Variants in CCDC7 observed in about 807,000 individuals in gnomAD.
CCDC7 encodes the protein coiled-coil domain containing 7.
In CCDC7, 183 loss-of-function variants were observed where a neutral mutation model predicts 196.9. That is an observed-to-expected ratio of 0.93 (90% confidence interval 0.82 to 1.05). The LOEUF is 1.05. Ranked by LOEUF, CCDC7 falls within the 50% of genes least tolerant of loss-of-function variation. The probability of loss-of-function intolerance (pLI) is 0.00; values close to 1 mark genes in which losing one functional copy is unlikely to be tolerated. For missense variants in CCDC7, 1,540 were observed against 1,482.2 expected, an observed-to-expected ratio of 1.04 and a Z score of -0.64; for synonymous variants, 525 against 484.6, an observed-to-expected ratio of 1.08 and a Z score of -1.10.
chr10:32,462,770 G>T lies in CCDC7; in HGVS notation c.477+67G>T, dbSNP rs2036000353. 5.8e-6 allele frequency: 8 copies of T among 1,386,520 alleles called. No homozygotes were observed. The South Asian group carries it at 1.1e-4, about 20-fold the overall frequency. 85.9% of individuals were successfully genotyped at this position (1,386,520 alleles called of 1,614,324 possible). On this transcript the variant is annotated intron_variant, in intron 4 of 41. Coordinates refer to ENST00000639629, the Ensembl canonical transcript of CCDC7. ...CACAGAAATACATGCCAATGAAGAA[G>T]AGGTTTCTAAATTTTAAGGGAGTAG...
intron 5 of CCDC7, among the ~76,000 whole-genome samples, chr10:32,466,869 A>C (rs994558630): frequency 6.6e-6 from 1 of 152,186 alleles, no homozygotes; most frequent in African/African-American, 2.4e-5. Context: ...ACAGCAGGCA[A>C]CTAATTTATA....
chr10:32,612,541 T>A (rs1345633464), intron 18 of CCDC7, among the ~76,000 whole-genome samples: 1 of 152,226 alleles, frequency 6.6e-6, no homozygotes, highest in African/African-American at 2.4e-5. Context: ...TTCAGTATGA[T>A]ATGGGCTGTG....
At chr10:32,473,611 T>G (rs994688756) in intron 7 of CCDC7, among the ~76,000 whole-genome samples, 1 of 152,064 alleles carries the variant, frequency 6.6e-6, no homozygotes, top group Admixed American at 6.6e-5. Context: ...ATTCAGAGAC[T>G]AGTGAAAAGA....
chr10:32,876,911 A>C (rs1179795205), downstream of CCDC7: 1 of 152,120 alleles, frequency 6.6e-6, no homozygotes, highest in Admixed American at 6.6e-5. Context: ...AAGAGCATAA[A>C]TATTATTGGC....
chr10:32,685,180 A>G (rs1591575848), intron 21 of CCDC7, among the ~76,000 whole-genome samples: 1 of 141,852 alleles, frequency 7.0e-6, no homozygotes, highest in East Asian at 2.1e-4. Flanking sequence ...TCCTTACCTA[A>G]CGGTGGCATA....
At chr10:32,655,056 T>C (rs2069532683) in intron 20 of CCDC7, among the ~76,000 whole-genome samples, 1 of 152,202 alleles carries the variant, frequency 6.6e-6, no homozygotes, top group Non-Finnish European at 1.5e-5. Flanking sequence ...ATATATACCT[T>C]GACAGTGCAT....
intron 20 of CCDC7, among the ~76,000 whole-genome samples, chr10:32,649,719 GT>G (rs1222180714): frequency 2.0e-5 from 3 of 152,082 alleles, no homozygotes; most frequent in African/African-American, 7.2e-5. Flanking sequence ...TTTCTTAATT[GT>G]TTTCTTTATT....
chr10:32,663,264 ATACT>A (rs1265113497), intron 20 of CCDC7, among the ~76,000 whole-genome samples: 3 of 152,162 alleles, frequency 2.0e-5, no homozygotes, highest in Non-Finnish European at 4.4e-5. Flanking sequence ...AGGACTCTAC[ATACT>A]TTTTCATCAC....
intron 41 of CCDC7, among the ~76,000 whole-genome samples, chr10:32,862,034 A>C (rs1215279122): frequency 6.6e-6 from 1 of 152,218 alleles, no homozygotes; most frequent in Non-Finnish European, 1.5e-5. Context: ...TAGAACTATA[A>C]ATACCATTTG....
intron 29 of CCDC7, among the ~76,000 whole-genome samples, chr10:32,787,255 G>A (rs2082021212): frequency 6.7e-6 from 1 of 150,208 alleles, no homozygotes; most frequent in Non-Finnish European, 1.5e-5. Context: ...GAGACACATT[G>A]TAATTCTGTC....
intron 28 of CCDC7, among the ~76,000 whole-genome samples, chr10:32,752,781 A>C (rs1042696092): frequency 6.6e-6 from 1 of 152,158 alleles, no homozygotes; most frequent in Non-Finnish European, 1.5e-5. Context: ...AAGTATTTCA[A>C]TGTCTAGATT....
intron 28 of CCDC7, among the ~76,000 whole-genome samples, chr10:32,756,272 C>A (rs1242948049): frequency 1.3e-5 from 2 of 152,114 alleles, no homozygotes; most frequent in Admixed American, 1.3e-4. Context: ...CAAAGATACT[C>A]CTCGAGAAGA....
chr10:32,794,017 A>G (rs2083145139), intron 29 of CCDC7, among the ~76,000 whole-genome samples: 2 of 152,084 alleles, frequency 1.3e-5, no homozygotes, highest in Non-Finnish European at 2.9e-5. Context: ...TACATGGGTA[A>G]ATTGCATATT....
chr10:32,476,361 CAATAGTTTGTCAAAGTTT>C (rs910590492), intron 8 of CCDC7, among the ~76,000 whole-genome samples: 6 of 152,070 alleles, frequency 3.9e-5, no homozygotes, highest in Non-Finnish European at 1.5e-5. Context: ...CTCTGTGTTT[CAATAGTTTGTCAAAGTTT>C]CAATAGTTTG....
At chr10:32,600,048 C>A (rs2060831731) in intron 18 of CCDC7, among the ~76,000 whole-genome samples, 1 of 151,956 alleles carries the variant, frequency 6.6e-6, no homozygotes, top group African/African-American at 2.4e-5. Flanking sequence ...GTTATTATAA[C>A]TTTGTATACT....
chr10:32,604,939 A>G (rs189993038), intron 18 of CCDC7, among the ~76,000 whole-genome samples: 140 of 152,030 alleles, frequency 9.2e-4, no homozygotes, highest in African/African-American at 3.1e-3. Context: ...TGATCTGTTT[A>G]TGTGATATGG....
chr10:32,794,429 G>GTA (rs1288161509), intron 29 of CCDC7, among the ~76,000 whole-genome samples: 3 of 152,240 alleles, frequency 2.0e-5, no homozygotes, highest in Admixed American at 2.0e-4. Context: ...TTTCCTTTGT[G>GTA]TATATAACCA....
intron 30 of CCDC7, among the ~76,000 whole-genome samples, chr10:32,806,063 C>T (rs1180629055): frequency 6.6e-6 from 1 of 152,180 alleles, no homozygotes; most frequent in Non-Finnish European, 1.5e-5. Context: ...AGAACAGCAC[C>T]ATTCCATGGA....
intron 20 of CCDC7, among the ~76,000 whole-genome samples, chr10:32,639,904 A>C (rs1439010629): frequency 6.6e-6 from 1 of 152,168 alleles, no homozygotes; most frequent in East Asian, 1.9e-4. Context: ...AGCGTGAGCC[A>C]CTGCACCCGA....
Sources: allele counts gnomAD v4.1 joint callset (sites outside exome capture counted in the v4.1 genomes callset), GRCh38; gene constraint gnomAD v4.1.1; transcripts MANE v1.5; gene names NCBI Gene and HGNC (gene_info 2026-07-23, HGNC 2026-07-21).